FBN3: variants seen among roughly 807,000 people sequenced by gnomAD.
FBN3 encodes the protein fibrillin 3.
In FBN3, 234 loss-of-function variants were observed where a neutral mutation model predicts 330.1. The observed-to-expected ratio is 0.71, with a 90% CI of 0.64 to 0.79. The LOEUF (loss-of-function observed/expected upper bound fraction) is 0.79, where lower values mean the gene tolerates loss of function less well. FBN3 is among the 30% of genes least tolerant of loss of function. FBN3 has a pLI of 0.00. For synonymous variants in FBN3, 1,458 were observed against 1,517.3 expected, an observed-to-expected ratio of 0.96 and a Z score of 0.91; for missense variants, 3,606 against 3,886.9, an observed-to-expected ratio of 0.93 and a Z score of 1.92.
chr19:8,083,385 A>G lies in FBN3; in HGVS notation c.7088-13T>C, dbSNP rs777857805. On this transcript the variant is annotated splice_polypyrimidine_tract_variant and intron_variant, in intron 56 of 63. Transcript: ENST00000600128. ...CATTCATCTACATCTGGGAAAAAGT[A>G]GGGTGCAAATGGGGCTGGCTGGCTG... 19 of 1,613,650 alleles carry G rather than the reference A, an allele frequency of 1.2e-5. No individual in the cohort carries two copies. In the East Asian group the frequency reaches 3.8e-4, roughly 32 times the overall value.
intron 22 of FBN3, 80 bp from the exon 23 acceptor site, chr19:8,124,088 C>A: frequency 8.1e-7 from 1 of 1,235,524 alleles, no homozygotes; most frequent in Non-Finnish European, 1.2e-6. Flanking sequence ...TCAGTCACTC[C>A]CATCGGAAAC....
In FBN3 at chr19:8,131,162, C is replaced by G; in HGVS notation, c.2044+73G>C. The G allele has an allele frequency of 6.8e-7, 1 of 1,464,850 alleles. No individual in the cohort carries two copies. The allele number at this position is 1,464,850 out of a possible 1,614,324, so 90.7% of individuals were successfully genotyped here. A position where few individuals can be genotyped will look rare whatever the true frequency, so the allele number is the denominator to read the frequency against. On this transcript the variant is annotated intron_variant, in intron 16 of 63. Transcript: ENST00000600128. This position sits in a 1 kb window ranked among gnomAD's most constrained non-coding sequence, Gnocchi z 4.5. ...GGAACCCCGGGCCAACTCCTACAGC[C>G]TCCCACCACAGCTCTCCCCACATCT...
intron 60 of FBN3, 35 bp downstream of exon 60, chr19:8,075,248 C>G (rs755837186): frequency 1.9e-6 from 3 of 1,592,466 alleles, no homozygotes; most frequent in Admixed American, 3.4e-5. Flanking sequence ...ACCAACACCC[C>G]CAAACACTAG....
chr19:8,145,004 C>A (rs778467460), intron 5 of FBN3, 32 bp from the exon 6 acceptor site: 1 of 1,558,596 alleles, frequency 6.4e-7, no homozygotes, highest in African/African-American at 1.4e-5. Flanking sequence ...GGCTGGAGGT[C>A]CCCCAGCAGC....
intron 25 of FBN3, among the ~76,000 whole-genome samples, chr19:8,119,352 G>A (rs2082784325): frequency 6.6e-6 from 1 of 152,180 alleles, no homozygotes; most frequent in Non-Finnish European, 1.5e-5. Context: ...AGTCCCGCCA[G>A]GACTCAGGGC....
Position 8,129,989 on chromosome 19 carries a change from C to T in FBN3, c.2045-624G>A, listed in dbSNP as rs2083086343. ...CTCGGCTCACTGCAACCTCCACCTC[C>T]CTCGTTCAAGTGATTCTCATGACTC... is the stretch of plus-strand genomic sequence containing the variant. On this transcript the variant is annotated intron_variant, in intron 16 of 63. Transcript: ENST00000600128. This position sits in a 1 kb window ranked among gnomAD's most constrained non-coding sequence, Gnocchi z 4.5. 1.3e-5 allele frequency among the ~76,000 whole-genome samples: 2 copies of T among 151,976 alleles called. No homozygotes were observed.
At chr19:8,072,720 G>GCACA (rs61403969) in intron 62 of FBN3, among the ~76,000 whole-genome samples, 14,143 of 149,434 alleles carry the variant, frequency 0.095, 1,021 homozygotes, top group African/African-American at 0.2. Flanking sequence ...ATGCGCGCGT[G>GCACA]CACACACACA....
intron 46 of FBN3, 55 bp from the exon 47 acceptor site, chr19:8,094,620 T>G: frequency 6.3e-7 from 1 of 1,577,126 alleles, no homozygotes; most frequent in East Asian, 2.3e-5. Context: ...GGGGGCTCAC[T>G]TGGGACTGGG....
chr19:8,118,838 C>A, intron 26 of FBN3, 59 bp downstream of exon 26: 1 of 1,569,022 alleles, frequency 6.4e-7, no homozygotes, highest in Admixed American at 1.7e-5. Flanking sequence ...ACCAGACATC[C>A]ACTCACTTTC....
rs149551378 is a variant in FBN3, at chr19:8,111,684, G to T, written c.4048C>A (p.Arg1350Ser). Residue 1350 changes from arginine to serine, a missense_variant, in exon 32 of 64, where the codon CGC (arginine) becomes AGC (serine). By Grantham distance (110) the Arg-to-Ser change is moderately radical (BLOSUM62 -1). Transcript: ENST00000600128. ...NVPGSYRCTCRQGFAGDGFFC... is the reference protein window; with the variant it reads ...NVPGSYRCTCSQGFAGDGFFC... ...AAGCCATCCCCGGCAAAGCCCTGGC[G>T]GCAGGTGCAGCGGTAGGAGCCAGGG... 3 of 1,610,162 alleles carry T rather than the reference G, an allele frequency of 1.9e-6. No individual in the cohort carries two copies. The highest frequency in any genetic ancestry group is 2.2e-5 in the South Asian group (2 of 90,964).
chr19:8,075,379 A>C lies in FBN3; in HGVS notation c.7486T>G (p.Cys2496Gly). The C allele has an allele frequency of 6.2e-7, 1 of 1,614,120 alleles. No homozygotes were observed. The highest frequency in any genetic ancestry group is 8.5e-7 in the Non-Finnish European group (1 of 1,180,016). ...NDECSAQPGP[C>G]GAHGHCHNTP... ...TTGTGGCAGTGCCCGTGGGCACCAC[A>C]TGGGCCAGGCTGGGCTGAGCACTCA... is the stretch of plus-strand genomic sequence containing the variant. The change falls in exon 60 of 64, where the codon TGT (cysteine) becomes GGT (glycine). Residue 2496 changes from cysteine to glycine, a missense_variant. Physicochemically the swap from Cys to Gly is radical, Grantham distance 159 (BLOSUM62 -3). Coordinates refer to ENST00000600128, the MANE Select transcript of FBN3 (RefSeq NM_032447.5).
intron 36 of FBN3, 85 bp from the exon 37 acceptor site, chr19:8,108,323 A>G: frequency 1.9e-6 from 2 of 1,080,612 alleles, no homozygotes; most frequent in Non-Finnish European, 2.7e-6. Context: ...GAAGCCTGAA[A>G]AGGGCTCAAG....
chr19:8,094,462 C>T lies in FBN3; in HGVS notation c.5889G>A (p.Gln1963=). Residue 1963 remains glutamine, a synonymous_variant, in exon 47 of 64, where the codon CAG becomes CAA. Transcript: ENST00000600128. The stretch of plus-strand genomic sequence containing the variant: ...GACACTCACCAATGCAGTGGTCACT[C>T]TGCACCTGGAAGCCAGGGGGACAGA... ...RCICPPGFQV[Q]SDHCIDIDEC... 6.2e-7 allele frequency: 1 copy of T among 1,613,576 alleles called. No homozygotes were observed. The highest frequency in any genetic ancestry group is 8.5e-7 in the Non-Finnish European group (1 of 1,179,692).
rs201177583 is a variant in FBN3, at chr19:8,144,866, A to G, written c.541+11T>C. On this transcript the variant is annotated intron_variant, in intron 6 of 63. Transcript: ENST00000600128. ...TCCCCTGTCTACCTCCCACCCGCGC[A>G]TGCTTGGTACCTCTCTCACATTGAG... The G allele has an allele frequency of 3.6e-4, 574 of 1,593,700 alleles. 1 individual carries two copies. In the Middle Eastern group the frequency reaches 4.1e-3, roughly 12 times the overall value.
intron 61 of FBN3, 22 bp from the exon 62 acceptor site, chr19:8,073,319 A>G (rs1409156068): frequency 8.1e-6 from 13 of 1,599,262 alleles, no homozygotes; most frequent in African/African-American, 1.3e-5. Flanking sequence ...AAGGAGGAGG[A>G]GAGGGAGGAC....
At chr19:8,148,403 C>T (rs1232011636) in intron 1 of FBN3, among the ~76,000 whole-genome samples, 1 of 152,196 alleles carries the variant, frequency 6.6e-6, no homozygotes, top group African/African-American at 2.4e-5. Context: ...CGCTTCTGTG[C>T]CCATTTCACA....
intron 29 of FBN3, among the ~76,000 whole-genome samples, 159 bp downstream of exon 29, chr19:8,116,515 G>A (rs757641306): frequency 2.6e-5 from 4 of 152,214 alleles, no homozygotes; most frequent in Non-Finnish European, 5.9e-5. Flanking sequence ...CTTATGTGGA[G>A]AAGCAAGTGC....
chr19:8,066,537 T>A (rs1309058800), intron 63 of FBN3, among the ~76,000 whole-genome samples: 1 of 151,892 alleles, frequency 6.6e-6, no homozygotes, highest in African/African-American at 2.4e-5. Context: ...GACATAAAGA[T>A]GGGAAGCACA....
rs1185018505 is a variant in FBN3, at chr19:8,121,165, C to T, written c.3211+93G>A. 4.1e-5 allele frequency: 51 copies of T among 1,256,262 alleles called. No homozygotes were observed. Among genetic ancestry groups the T allele is most frequent in the South Asian group, 8.8e-5 (6 of 68,496 alleles). 77.8% of individuals were successfully genotyped at this position (1,256,262 alleles called of 1,614,324 possible). ...TCCCTCCTCCTGCCCCCTCCATCCA[C>T]GTCCACACAGCAACAGCCGTCCCCA... On this transcript the variant is annotated intron_variant, in intron 25 of 63. Coordinates refer to ENST00000600128, the MANE Select transcript of FBN3 (RefSeq NM_032447.5). This position sits in a 1 kb window ranked among gnomAD's most constrained non-coding sequence, Gnocchi z 4.5.
Sources: allele counts gnomAD v4.1 joint callset (sites outside exome capture counted in the v4.1 genomes callset), GRCh38; gene constraint gnomAD v4.1.1; non-coding constraint Gnocchi (gnomAD v3.1); transcripts MANE v1.5; gene names NCBI Gene and HGNC (gene_info 2026-07-23, HGNC 2026-07-21).